The following ALG14 variants were observed in gnomAD, a reference collection of about 807,000 sequenced individuals.
ALG14 encodes the protein ALG14 UDP-N-acetylglucosaminyltransferase subunit.
In ALG14, 17 loss-of-function variants were observed where a neutral mutation model predicts 22.8. The observed-to-expected ratio is 0.75, with a 90% CI of 0.51 to 1.12. The LOEUF (loss-of-function observed/expected upper bound fraction) is 1.12, where lower values mean the gene tolerates loss of function less well. Ranked by LOEUF, ALG14 falls within the 50% of genes most tolerant of loss-of-function variation. The pLI is 0.00. For synonymous variants in ALG14, 89 were observed against 103.7 expected (o/e 0.86, Z 0.86); for missense variants, 288 against 271.8 (o/e 1.06, Z -0.42).
chr1:95,049,483 C>T (rs1484338353), intron 2 of ALG14, among the ~76,000 whole-genome samples: 1 of 151,870 alleles, frequency 6.6e-6, no homozygotes, highest in Non-Finnish European at 1.5e-5. Flanking sequence ...TGCAGTGAGT[C>T]GAGATCGCAC....
chr1:95,040,172 AAAAT>A (rs66956744), intron 2 of ALG14, among the ~76,000 whole-genome samples: 2,788 of 143,294 alleles, frequency 0.019, 67 homozygotes, highest in African/African-American at 0.063. Flanking sequence ...ACCCTGTCTC[AAAAT>A]AAATAAATAA....
At chr1:95,048,476 A>G (rs1323637626) in intron 2 of ALG14, among the ~76,000 whole-genome samples, 1 of 152,158 alleles carries the variant, frequency 6.6e-6, no homozygotes. Context: ...TCAGATTCAG[A>G]AGCAAATAAA....
At chr1:95,049,989 G>A (rs1414825257) in intron 2 of ALG14, among the ~76,000 whole-genome samples, 1 of 152,148 alleles carries the variant, frequency 6.6e-6, no homozygotes, top group Non-Finnish European at 1.5e-5. Context: ...GAAATTTCCT[G>A]TTACTTATAT....
chr1:95,053,281 T>TA lies in ALG14; in HGVS notation c.288+11584dup, dbSNP rs923853802. 9.9e-5 allele frequency among the ~76,000 whole-genome samples: 15 copies of TA among 152,058 alleles called. No homozygotes were observed. The East Asian group carries it at 1.7e-3, about 18-fold the overall frequency. On this transcript the variant is annotated intron_variant, in intron 2 of 3. Transcript: ENST00000370205. ...ATGTTAGATAAAATAGATTTTTTTTTAAAAAAAGCATTATTAGGGATAAAA... is the reference window on the plus strand; with the variant it reads ...ATGTTAGATAAAATAGATTTTTTTTTAAAAAAAAGCATTATTAGGGATAAAA...
At chr1:95,058,481 G>A (rs80308433) in intron 2 of ALG14, among the ~76,000 whole-genome samples, 1 of 150,634 alleles carries the variant, frequency 6.6e-6, no homozygotes, top group South Asian at 2.1e-4. Context: ...GCTGGGCGCC[G>A]TGGCACATGC....
intron 3 of ALG14, among the ~76,000 whole-genome samples, chr1:94,987,476 T>C (rs1672673653): frequency 6.6e-6 from 1 of 152,238 alleles, no homozygotes; most frequent in Non-Finnish European, 1.5e-5. Flanking sequence ...AATAATATGT[T>C]ATGGGTTTAG....
intron 3 of ALG14, among the ~76,000 whole-genome samples, chr1:94,985,329 G>A (rs1419586449): frequency 6.6e-6 from 1 of 152,140 alleles, no homozygotes; most frequent in Non-Finnish European, 1.5e-5. Context: ...TTAGTTATGG[G>A]GGCCTGTCTT....
Position 94,980,134 on chromosome 1 carries a change from T to C in ALG14, c.*2942A>G, listed in dbSNP as rs1311409152. On this transcript the variant is annotated 3_prime_UTR_variant, in exon 4 of 4. Transcript: ENST00000370205. ...TACGTTTCTCAATTTTAACTTACCA[T>C]GTATCTTTGAAAGGTAGAATGATGT... 1 of 152,148 alleles carries C rather than the reference T, an allele frequency of 6.6e-6. No individual in the cohort carries two copies. The highest frequency in any genetic ancestry group is 1.5e-5 in the Non-Finnish European group (1 of 68,006). The allele number at this position is 152,148 out of a possible 1,614,324, so 9.4% of individuals were successfully genotyped here.
chr1:95,024,338 C>T (rs954904950), intron 3 of ALG14, among the ~76,000 whole-genome samples: 1 of 152,120 alleles, frequency 6.6e-6, no homozygotes, highest in Non-Finnish European at 1.5e-5. Flanking sequence ...CCTGTTGTTT[C>T]TTTACTCCAT....
chr1:95,040,094 C>T (rs1006347689), intron 2 of ALG14, among the ~76,000 whole-genome samples: 1 of 151,800 alleles, frequency 6.6e-6, no homozygotes, highest in Non-Finnish European at 1.5e-5. Flanking sequence ...ATAGCTTAAG[C>T]CTGGGAGGAA....
At chr1:94,992,240 G>GT (rs1339964485) in intron 3 of ALG14, among the ~76,000 whole-genome samples, 2 of 152,158 alleles carry the variant, frequency 1.3e-5, no homozygotes, top group Non-Finnish European at 2.9e-5. Flanking sequence ...TGGCAGTGCA[G>GT]TAGGCTTGTT....
chr1:95,008,256 AG>A (rs911645189), intron 3 of ALG14, among the ~76,000 whole-genome samples: 6 of 152,174 alleles, frequency 3.9e-5, no homozygotes, highest in African/African-American at 1.2e-4. Flanking sequence ...AGAGAATTTG[AG>A]GCATACAATC....
intron 2 of ALG14, chr1:95,041,616 TAA>T (rs568439755): frequency 1.4e-4 from 17 of 122,736 alleles, no homozygotes; most frequent in Admixed American, 1.7e-4. Context: ...CCCGTCTCTT[TAA>T]AAAAAAAAAA....
intron 2 of ALG14, among the ~76,000 whole-genome samples, chr1:95,063,665 C>G (rs139379767): frequency 4.6e-5 from 7 of 152,222 alleles, no homozygotes; most frequent in Admixed American, 1.3e-4. Flanking sequence ...ACAAGTATCA[C>G]GCTGTTTTGG....
At chr1:94,995,079 G>A (rs968830669) in intron 3 of ALG14, among the ~76,000 whole-genome samples, 1 of 152,144 alleles carries the variant, frequency 6.6e-6, no homozygotes, top group Non-Finnish European at 1.5e-5. Context: ...CTTAATTTTT[G>A]TACACGTACC....
rs1675222263 is a variant in ALG14 at position 95,063,051 on chromosome 1, T to A, written c.288+1815A>T. Among the ~76,000 whole-genome samples the A allele has an allele frequency of 2.6e-5, 4 of 152,344 alleles. No homozygotes were observed. In the South Asian group the frequency reaches 8.3e-4, roughly 32 times the overall value. ...TGATTTGCGTTTCTCTAATGATCAG[T>A]GATGTTGAGCTTTCTTTCATATGTT... On this transcript the variant is annotated intron_variant, in intron 2 of 3. Coordinates refer to ENST00000370205, the MANE Select transcript of ALG14 (RefSeq NM_144988.4).
intron 3 of ALG14, among the ~76,000 whole-genome samples, chr1:95,025,168 T>C (rs1332575540): frequency 6.6e-6 from 1 of 152,204 alleles, no homozygotes; most frequent in African/African-American, 2.4e-5. Flanking sequence ...CCATCAGAGC[T>C]CTTGGGTAAT....
chr1:95,071,935 G>C (rs929502401), intron 1 of ALG14, among the ~76,000 whole-genome samples: 1 of 152,098 alleles, frequency 6.6e-6, no homozygotes, highest in Non-Finnish European at 1.5e-5. Flanking sequence ...ATTTACTGCT[G>C]TATCTTTGCA....
chr1:95,061,660 C>G (rs1015190513), intron 2 of ALG14: 3 of 152,254 alleles, frequency 2.0e-5, no homozygotes, highest in Non-Finnish European at 2.9e-5. Flanking sequence ...CTTCTCCTCT[C>G]TTCCTGTACA....
Sources: gnomAD v4.1 joint callset for allele counts (sites outside exome capture counted in the v4.1 genomes callset) on GRCh38, gnomAD v4.1.1 for gene constraint, MANE v1.5 for transcripts, NCBI Gene and HGNC (gene_info 2026-07-23, HGNC 2026-07-21) for gene names.